The following MPPED1 variants were observed in gnomAD, a reference collection of about 807,000 sequenced individuals.
MPPED1 encodes the protein metallophosphoesterase domain-containing protein 1.
In MPPED1, 16 loss-of-function variants were observed where a neutral mutation model predicts 36.2. The ratio of observed to expected loss-of-function variants is 0.44; its 90% CI spans 0.30 to 0.67. The LOEUF is 0.67. Ranked by LOEUF, MPPED1 falls within the 30% of genes least tolerant of loss-of-function variation. MPPED1 has a pLI of 0.10. For missense variants in MPPED1, 307 were observed against 453.4 expected (o/e 0.68, Z 2.93); for synonymous variants, 199 against 191.3 (o/e 1.04, Z -0.33).
chr22:43,504,373 GTGA>G (rs1932773175), intron 6 of MPPED1, among the ~76,000 whole-genome samples: 1 of 152,032 alleles, frequency 6.6e-6, no homozygotes, highest in African/African-American at 2.4e-5. Flanking sequence ...GATGATGATA[GTGA>G]TGATGGTGGT....
chr22:43,492,803 A>T (rs975039309), intron 4 of MPPED1, among the ~76,000 whole-genome samples: 6 of 151,924 alleles, frequency 3.9e-5, no homozygotes, highest in Admixed American at 2.0e-4. Flanking sequence ...CTGGTAGGGG[A>T]CTGGGGAGGT....
chr22:43,497,929 G>GTATATATATATA (rs746068497), intron 4 of MPPED1, among the ~76,000 whole-genome samples: 534 of 48,728 alleles, frequency 0.011, 26 homozygotes, highest in African/African-American at 0.025. Context: ...ATATATATAT[G>GTATATATATATA]TATATGTATA....
At chr22:43,421,280 A>G (rs1929265043) in intron 1 of MPPED1, among the ~76,000 whole-genome samples, 1 of 152,236 alleles carries the variant, frequency 6.6e-6, no homozygotes, top group South Asian at 2.1e-4. Flanking sequence ...TAAATATTAA[A>G]TGGGCATTAA....
chr22:43,427,565 G>C (rs1417631241), intron 2 of MPPED1, among the ~76,000 whole-genome samples: 1 of 152,146 alleles, frequency 6.6e-6, no homozygotes, highest in East Asian at 1.9e-4. Context: ...ATGACTGAAT[G>C]AGAGGGGGTG....
intron 3 of MPPED1, among the ~76,000 whole-genome samples, chr22:43,459,924 T>C (rs73428326): frequency 0.05 from 7,583 of 152,158 alleles, 651 homozygotes; most frequent in African/African-American, 0.17. Context: ...TAGATGTTTT[T>C]GTGGCCAGGC....
chr22:43,415,854 G>A (rs1172072688), intron 1 of MPPED1, among the ~76,000 whole-genome samples: 3 of 152,190 alleles, frequency 2.0e-5, no homozygotes, highest in East Asian at 3.9e-4. Flanking sequence ...CTTCCAAGAA[G>A]GATGTGAGGC....
chr22:43,470,876 G>A (rs8138794), intron 3 of MPPED1, among the ~76,000 whole-genome samples: 7,129 of 152,336 alleles, frequency 0.047, 324 homozygotes, highest in African/African-American at 0.12. Flanking sequence ...GAGGGATGTG[G>A]TGCTGGACAG....
chr22:43,433,434 G>A (rs1929836477), intron 2 of MPPED1, among the ~76,000 whole-genome samples: 1 of 43,690 alleles, frequency 2.3e-5, no homozygotes, highest in South Asian at 1.5e-3. Flanking sequence ...ATTGTATTCA[G>A]TGAATGAGTG....
At chr22:43,427,206 T>A in intron 2 of MPPED1, among the ~76,000 whole-genome samples, 1 of 152,004 alleles carries the variant, frequency 6.6e-6, no homozygotes. Context: ...AGGCACACAC[T>A]TAGGGAGCTC....
chr22:43,444,108 A>C (rs1930246253), intron 3 of MPPED1, among the ~76,000 whole-genome samples: 1 of 152,228 alleles, frequency 6.6e-6, no homozygotes, highest in Non-Finnish European at 1.5e-5. Flanking sequence ...GAAGAAAATT[A>C]ACTTCTAAGA....
intron 3 of MPPED1, among the ~76,000 whole-genome samples, chr22:43,438,494 G>A (rs1471654079): frequency 6.6e-6 from 1 of 151,986 alleles, no homozygotes; most frequent in Non-Finnish European, 1.5e-5. Context: ...CTAAGGGCAG[G>A]GGGAGCTTTG....
chr22:43,419,590 G>A (rs541903998), intron 1 of MPPED1, among the ~76,000 whole-genome samples: 34 of 152,166 alleles, frequency 2.2e-4, no homozygotes, highest in African/African-American at 8.2e-4. Flanking sequence ...GAGTTCACCT[G>A]AGGGCGGCAG....
intron 2 of MPPED1, among the ~76,000 whole-genome samples, chr22:43,432,017 G>A (rs1929704231): frequency 1.3e-5 from 2 of 152,202 alleles, no homozygotes; most frequent in South Asian, 4.1e-4. Flanking sequence ...TGGCTGGCTG[G>A]TGGTGGGTGG....
Position 43,434,380 on chromosome 22 carries a change from C to A in MPPED1, c.225-654C>A, listed in dbSNP as rs78109128. On this transcript the variant is annotated intron_variant, in intron 2 of 6. Coordinates refer to ENST00000443721, the MANE Select transcript of MPPED1 (RefSeq NM_001044370.2). ...TTCACACATTCTCCTGAAACTCCCC[C>A]TCCCGTGCTGCTGTCCTGCGACGGC... is the stretch of plus-strand genomic sequence containing the variant. Among the ~76,000 whole-genome samples, 43 of 152,340 alleles carry A rather than the reference C, an allele frequency of 2.8e-4. 1 individual carries two copies. Among genetic ancestry groups the A allele is most frequent in the African/African-American group, 1.0e-3 (42 of 41,582 alleles).
At chr22:43,418,116 GGT>G in intron 1 of MPPED1, 1 of 456,334 alleles carries the variant, frequency 2.2e-6, no homozygotes, top group East Asian at 6.9e-5. Flanking sequence ...GAGAAACACA[GGT>G]GTGTTCTGGG....
intron 5 of MPPED1, among the ~76,000 whole-genome samples, chr22:43,500,832 G>C (rs957392971): frequency 2.6e-5 from 4 of 152,216 alleles, no homozygotes; most frequent in Admixed American, 2.6e-4. Flanking sequence ...GAGGAGTCAG[G>C]AGAGATGACT....
rs1398758178 is a variant in MPPED1 at position 43,435,353 on chromosome 22, C to CT, written c.406+138_406+139insT. 3 of 880,196 alleles carry CT rather than the reference C, an allele frequency of 3.4e-6. No homozygotes were observed. The Admixed American group carries it at 7.9e-5, about 23-fold the overall frequency. The allele number at this position is 880,196 out of a possible 1,614,324, so 54.5% of individuals were successfully genotyped here. On this transcript the variant is annotated intron_variant, in intron 3 of 6. Transcript: ENST00000443721. ...TGGCCTGTGCCTGCCTGGTCACCCTCCCTGACCTCTCAGAGCAGGTGCCCC... is the reference window on the plus strand; with the variant it reads ...TGGCCTGTGCCTGCCTGGTCACCCTCTCCTGACCTCTCAGAGCAGGTGCCCC...
chr22:43,412,517 C>T (rs1220434370), intron 1 of MPPED1, among the ~76,000 whole-genome samples: 2 of 152,150 alleles, frequency 1.3e-5, no homozygotes, highest in Non-Finnish European at 2.9e-5. Context: ...AATAGCAGCC[C>T]CCGCTTGTAG....
At chr22:43,421,754 C>T (rs1929282817) in intron 1 of MPPED1, among the ~76,000 whole-genome samples, 1 of 152,224 alleles carries the variant, frequency 6.6e-6, no homozygotes, top group Non-Finnish European at 1.5e-5. Flanking sequence ...CTGCCTCCAT[C>T]CATCCACTAA....
Sources: gnomAD v4.1 joint callset for allele counts (sites outside exome capture counted in the v4.1 genomes callset) on GRCh38, gnomAD v4.1.1 for gene constraint, MANE v1.5 for transcripts, NCBI Gene and HGNC (gene_info 2026-07-23, HGNC 2026-07-21) for gene names.